Variants in CAMSAP2 observed in about 807,000 individuals in gnomAD.
The protein encoded by CAMSAP2 is calmodulin regulated spectrin associated protein family member 2.
In CAMSAP2, 26 loss-of-function variants were observed where a neutral mutation model predicts 146.1. The ratio of observed to expected loss-of-function variants is 0.18; its 90% CI spans 0.13 to 0.25. CAMSAP2 has a LOEUF of 0.25. CAMSAP2 is among the 10% of genes least tolerant of loss of function. The probability of loss-of-function intolerance (pLI) is 1.00; values close to 1 mark genes in which losing one functional copy is unlikely to be tolerated. For missense variants in CAMSAP2, 1,381 were observed against 1,759.3 expected (o/e 0.78, Z 3.85); for synonymous variants, 499 against 596.6 (o/e 0.84, Z 2.38).
At chr1:200,743,075 A>G (rs1054918303) in intron 1 of CAMSAP2, among the ~76,000 whole-genome samples, 2 of 152,232 alleles carry the variant, frequency 1.3e-5, no homozygotes, top group African/African-American at 4.8e-5. Flanking sequence ...CGATAATCCA[A>G]ATTCCAAAGG....
intron 4 of CAMSAP2, among the ~76,000 whole-genome samples, chr1:200,817,494 T>A (rs1274409349): frequency 1.3e-5 from 2 of 152,210 alleles, no homozygotes; most frequent in Non-Finnish European, 2.9e-5. Context: ...ATTGGAACCC[T>A]TTAAACATGT....
At chr1:200,804,923 A>G (rs745624014) in intron 2 of CAMSAP2, among the ~76,000 whole-genome samples, 2 of 152,234 alleles carry the variant, frequency 1.3e-5, no homozygotes, top group Non-Finnish European at 2.9e-5. Flanking sequence ...TGCCAACTGC[A>G]TGATATGGTA....
chr1:200,834,458 ACT>A (rs1457050136), intron 6 of CAMSAP2, among the ~76,000 whole-genome samples: 1 of 152,150 alleles, frequency 6.6e-6, no homozygotes, highest in African/African-American at 2.4e-5. Context: ...TGTTATGAAT[ACT>A]GTTATTTTTA....
intron 6 of CAMSAP2, among the ~76,000 whole-genome samples, chr1:200,834,570 A>G (rs1667137678): frequency 1.3e-5 from 2 of 152,218 alleles, no homozygotes; most frequent in Admixed American, 6.5e-5. Flanking sequence ...CAGAAATCAG[A>G]AATGTTTTCT....
At chr1:200,816,442 AAATT>A (rs1666487411) in intron 4 of CAMSAP2, among the ~76,000 whole-genome samples, 1 of 148,968 alleles carries the variant, frequency 6.7e-6, no homozygotes, top group Admixed American at 6.7e-5. Flanking sequence ...AAACTACAAA[AAATT>A]AGCCAGGCGT....
Position 200,832,622 on chromosome 1 carries a change from A to G in CAMSAP2, c.788-84A>G. 1 of 1,148,018 alleles carries G rather than the reference A, an allele frequency of 8.7e-7. No homozygotes were observed. Among genetic ancestry groups the G allele is most frequent in the East Asian group, 2.5e-5 (1 of 39,712 alleles). 71.1% of individuals were successfully genotyped at this position (1,148,018 alleles called of 1,614,324 possible). On this transcript the variant is annotated intron_variant, in intron 5 of 16. Transcript: ENST00000358823. This position sits in a 1 kb window ranked among gnomAD's most constrained non-coding sequence, Gnocchi z 4.2. ...GTATGTTTGTTAACCAGAATTGTGT[A>G]TTTGTACTAATTACAAGATGGATAT...
chr1:200,792,470 C>A (rs1665781021), intron 2 of CAMSAP2, among the ~76,000 whole-genome samples: 1 of 152,070 alleles, frequency 6.6e-6, no homozygotes, highest in African/African-American at 2.4e-5. Flanking sequence ...CATGGTGAAA[C>A]CCTGTCTCTA....
chr1:200,851,981 A>G (rs1470056225), intron 11 of CAMSAP2, among the ~76,000 whole-genome samples: 1 of 152,208 alleles, frequency 6.6e-6, no homozygotes, highest in Non-Finnish European at 1.5e-5. Flanking sequence ...CTCAAATTAA[A>G]AGTACTGTAG....
chr1:200,841,969 G>A, intron 6 of CAMSAP2, 25 bp from the exon 7 acceptor site: 1 of 1,512,744 alleles, frequency 6.6e-7, no homozygotes, highest in Non-Finnish European at 9.2e-7. Flanking sequence ...CCTAATGTAG[G>A]CTTTCTCTTA....
intron 4 of CAMSAP2, among the ~76,000 whole-genome samples, chr1:200,817,158 A>G (rs1250792835): frequency 1.0e-5 from 1 of 98,074 alleles, no homozygotes; most frequent in Non-Finnish European, 2.0e-5. Context: ...ATACACACAT[A>G]CACACACGTG....
intron 4 of CAMSAP2, among the ~76,000 whole-genome samples, chr1:200,817,173 T>C (rs1571792995): frequency 3.1e-5 from 2 of 63,500 alleles, no homozygotes; most frequent in Admixed American, 1.6e-4. Context: ...CACGTGTGTG[T>C]ATATACACAC....
chr1:200,748,824 A>G (rs978189458), intron 1 of CAMSAP2, among the ~76,000 whole-genome samples: 1 of 150,550 alleles, frequency 6.6e-6, no homozygotes, highest in Non-Finnish European at 1.5e-5. Context: ...CTTAATATCT[A>G]GTTGTCTCTC....
rs1349184635 is a variant in CAMSAP2, at chr1:200,747,049, C to T, written c.139+7083C>T. Among the ~76,000 whole-genome samples, 6 of 152,280 alleles carry T rather than the reference C, an allele frequency of 3.9e-5. No homozygotes were observed. In the East Asian group the frequency reaches 1.2e-3, roughly 29 times the overall value. On this transcript the variant is annotated intron_variant, in intron 1 of 16. Coordinates refer to ENST00000358823, the MANE Select transcript of CAMSAP2 (RefSeq NM_203459.4). ...TCAGCCTTTTGAGTAGCTGGGACTACATGCCTGGCTAATTTTTTTGAAAAT... is the reference window on the plus strand; with the variant it reads ...TCAGCCTTTTGAGTAGCTGGGACTATATGCCTGGCTAATTTTTTTGAAAAT...
rs1558190782 is a variant in CAMSAP2, at chr1:200,816,737, C to CACACACGCGTGTATATATGTGTGT, written c.645+1099_645+1100insGCGTGTATATATGTGTGTACACAC. Among the ~76,000 whole-genome samples, 4 of 30,494 alleles carry CACACACGCGTGTATATATGTGTGT rather than the reference C, an allele frequency of 1.3e-4. 2 individuals carry two copies. Among genetic ancestry groups the CACACACGCGTGTATATATGTGTGT allele is most frequent in the Non-Finnish European group, 2.4e-4 (4 of 16,776 alleles). The allele number at this position is 30,494 out of a possible 152,430, so 20.0% of individuals were successfully genotyped here. A position where few individuals can be genotyped will look rare whatever the true frequency, so the allele number is the denominator to read the frequency against. On this transcript the variant is annotated intron_variant, in intron 4 of 16. Coordinates refer to ENST00000358823, the MANE Select transcript of CAMSAP2 (RefSeq NM_203459.4). ...ATACACACGCACATATATGTGTGTA[C>CACACACGCGTGTATATATGTGTGT]ACACACACGCGTGTATATATGTGTG...
At chr1:200,846,979 C>T (rs554883937) in intron 8 of CAMSAP2, among the ~76,000 whole-genome samples, 1 of 152,154 alleles carries the variant, frequency 6.6e-6, no homozygotes, top group African/African-American at 2.4e-5. Flanking sequence ...CTCACAAAGA[C>T]ATTGAGATGT....
In CAMSAP2 at chr1:200,739,645, C is replaced by T; in HGVS notation, c.-183C>T. 2.4e-6 allele frequency: 1 copy of T among 412,116 alleles called. No individual in the cohort carries two copies. Among genetic ancestry groups the T allele is most frequent in the African/African-American group, 2.2e-5 (1 of 46,018 alleles). 25.5% of individuals were successfully genotyped at this position (412,116 alleles called of 1,614,324 possible). ...AGCGGCGGCGGCGGCGGCGGCGGCT[C>T]CCGCGGGAGGCGGCAGGCGCGCGGC... On this transcript the variant is annotated 5_prime_UTR_variant, in exon 1 of 17. Coordinates refer to ENST00000358823, the MANE Select transcript of CAMSAP2 (RefSeq NM_203459.4). The surrounding 1 kb of genome is among the most constrained non-coding windows in gnomAD (Gnocchi z 4.8).
chr1:200,810,542 C>T (rs1050751849), intron 3 of CAMSAP2, among the ~76,000 whole-genome samples: 2 of 149,488 alleles, frequency 1.3e-5, no homozygotes, highest in Non-Finnish European at 3.0e-5. Context: ...CGCCACGGCA[C>T]TCCAGCCTGG....
chr1:200,779,214 A>G (rs1320724650), intron 2 of CAMSAP2, among the ~76,000 whole-genome samples: 5 of 152,172 alleles, frequency 3.3e-5, no homozygotes, highest in Admixed American at 3.3e-4. Context: ...ATTTGCCCCA[A>G]TCCCTTGTTG....
chr1:200,812,361 A>G lies in CAMSAP2; in HGVS notation c.562-3200A>G, dbSNP rs140679670. ...CTTTAGAACTTTGGAAATCTACACA[A>G]AATTAAGGAAATCACTTAACTAGGA... is the stretch of plus-strand genomic sequence containing the variant. On this transcript the variant is annotated intron_variant, in intron 3 of 16. Transcript: ENST00000358823. Among the ~76,000 whole-genome samples the G allele has an allele frequency of 6.1e-3, 933 of 152,342 alleles. 8 individuals are homozygous for G. The highest frequency in any genetic ancestry group is 0.01 in the Admixed American group (156 of 15,306).
Sources: allele counts gnomAD v4.1 joint callset (sites outside exome capture counted in the v4.1 genomes callset), GRCh38; gene constraint gnomAD v4.1.1; non-coding constraint Gnocchi (gnomAD v3.1); transcripts MANE v1.5; gene names NCBI Gene and HGNC (gene_info 2026-07-23, HGNC 2026-07-21).